The following ECE1 variants were observed in gnomAD, a reference collection of about 807,000 sequenced individuals.
ECE1 encodes endothelin converting enzyme 1.
Under a neutral mutation model 98.6 loss-of-function variants are expected in ECE1, and 35 were observed. The ratio of observed to expected loss-of-function variants is 0.35; its 90% CI spans 0.27 to 0.47. The LOEUF is 0.47. Ranked by LOEUF, ECE1 falls within the 20% of genes least tolerant of loss-of-function variation. ECE1 has a pLI of 1.00. For synonymous variants in ECE1, 394 were observed against 407.1 expected (o/e 0.97, Z 0.39); for missense variants, 814 against 1,025.3 (o/e 0.79, Z 2.81).
In ECE1 at chr1:21,218,443, C is replaced by T. The variant is rs543221517; in HGVS notation, c.*1512G>A. 1.5e-3 allele frequency: 234 copies of T among 152,798 alleles called. 1 individual carries two copies. Among genetic ancestry groups the T allele is most frequent in the Non-Finnish European group, 2.8e-3 (193 of 68,412 alleles). The allele number at this position is 152,798 out of a possible 1,614,324, so 9.5% of individuals were successfully genotyped here. A position where few individuals can be genotyped will look rare whatever the true frequency, so the allele number is the denominator to read the frequency against. ...GGCCAAGGGCATCTAGGAGCAGGGGCTGTCTCCTTGGGGTGGAGACTGGCG... is the reference window on the plus strand; with the variant it reads ...GGCCAAGGGCATCTAGGAGCAGGGGTTGTCTCCTTGGGGTGGAGACTGGCG... On this transcript the variant is annotated 3_prime_UTR_variant, in exon 19 of 19. Coordinates refer to ENST00000374893, the MANE Select transcript of ECE1 (RefSeq NM_001397.3). The surrounding 1 kb of genome is among the most constrained non-coding windows in gnomAD (Gnocchi z 4.0).
chr1:21,267,446 G>A (rs551608045), intron 4 of ECE1, among the ~76,000 whole-genome samples: 134 of 152,264 alleles, frequency 8.8e-4, no homozygotes, highest in Non-Finnish European at 1.8e-3. Context: ...GGCTGTGCAG[G>A]AGAACTCCCA....
chr1:21,314,174 G>T (rs1435887414), intron 1 of ECE1, among the ~76,000 whole-genome samples: 2 of 152,196 alleles, frequency 1.3e-5, no homozygotes, highest in African/African-American at 4.8e-5. Context: ...CAAGTCCAAG[G>T]TTGCACAGCT....
At chr1:21,286,036 T>C (rs950939164) in intron 2 of ECE1, among the ~76,000 whole-genome samples, 2 of 148,442 alleles carry the variant, frequency 1.3e-5, no homozygotes, top group Admixed American at 6.7e-5. Flanking sequence ...CTGTGCAAGG[T>C]GGGAAAAAAA....
chr1:21,237,051 G>A (rs922892778), intron 11 of ECE1, among the ~76,000 whole-genome samples: 4 of 151,982 alleles, frequency 2.6e-5, no homozygotes, highest in African/African-American at 9.7e-5. Context: ...CCACACACAG[G>A]GCTCCATGCT....
Position 21,227,953 on chromosome 1 carries a change from A to G in ECE1, c.1759T>C (p.Phe587Leu). 6.4e-7 allele frequency: 1 copy of G among 1,555,096 alleles called. No individual in the cohort carries two copies. The highest frequency in any genetic ancestry group is 8.7e-7 in the Non-Finnish European group (1 of 1,148,550). The change falls in exon 15 of 19, where the codon TTC becomes CTC. Residue 587 changes from phenylalanine (F) to leucine (L), a missense_variant. Phe to Leu is a conservative substitution (Grantham distance 22). Transcript: ENST00000374893. ...TACTTGGGTGAGGAGCGTGTGTAGA[A>G]TGGTGCCTGCAGGATCCCGGCCGGA... ...VFPAGILQAP[F>L]YTRSSPKALN...
intron 1 of ECE1, among the ~76,000 whole-genome samples, chr1:21,315,699 T>C (rs1426744298): frequency 6.7e-6 from 1 of 148,324 alleles, no homozygotes; most frequent in Non-Finnish European, 1.5e-5. Flanking sequence ...GAGGCTGAGG[T>C]GTGAGAATCA....
chr1:21,276,100 G>A (rs955859185), intron 3 of ECE1, among the ~76,000 whole-genome samples: 4 of 133,384 alleles, frequency 3.0e-5, no homozygotes, highest in East Asian at 2.2e-4. Flanking sequence ...ATCTCGACTC[G>A]CTGCAACCTC....
At chr1:21,243,687 C>A (rs2098199528) in intron 10 of ECE1, among the ~76,000 whole-genome samples, 1 of 152,226 alleles carries the variant, frequency 6.6e-6, no homozygotes, top group African/African-American at 2.4e-5. Flanking sequence ...TGTAGGAAGT[C>A]CCCTGGGAGG....
chr1:21,260,131 T>C lies in ECE1; in HGVS notation c.615+140A>G, dbSNP rs899469846. On this transcript the variant is annotated intron_variant, in intron 5 of 18. Coordinates refer to ENST00000374893, the MANE Select transcript of ECE1 (RefSeq NM_001397.3). The surrounding 1 kb of genome is among the most constrained non-coding windows in gnomAD (Gnocchi z 4.3). ...CACATGTGCTCTCGCACACTCGCTCTCTCTCTTTCTGTCTTTCTCTTGGTG... is the reference window on the plus strand; with the variant it reads ...CACATGTGCTCTCGCACACTCGCTCCCTCTCTTTCTGTCTTTCTCTTGGTG... 2.3e-6 allele frequency: 3 copies of C among 1,325,474 alleles called. No individual in the cohort carries two copies. Among genetic ancestry groups the C allele is most frequent in the Non-Finnish European group, 3.2e-6 (3 of 929,070 alleles). 82.1% of individuals were successfully genotyped at this position (1,325,474 alleles called of 1,614,324 possible).
At chr1:21,253,977 G>A (rs1232912795) in intron 8 of ECE1, among the ~76,000 whole-genome samples, 2 of 150,052 alleles carry the variant, frequency 1.3e-5, no homozygotes, top group Non-Finnish European at 2.9e-5. Context: ...GCTGAGGCAG[G>A]AGAATCGCTT....
intron 8 of ECE1, among the ~76,000 whole-genome samples, chr1:21,248,132 C>T (rs2098206477): frequency 6.6e-6 from 1 of 152,068 alleles, no homozygotes; most frequent in Non-Finnish European, 1.5e-5. Flanking sequence ...AAGGAAAAGC[C>T]CTCAGCTCAG....
intron 1 of ECE1, among the ~76,000 whole-genome samples, chr1:21,330,392 C>T (rs1280949236): frequency 6.6e-6 from 1 of 151,714 alleles, no homozygotes; most frequent in Admixed American, 6.6e-5. Flanking sequence ...CCATGCCCAG[C>T]TAATTGTTTC....
rs149955478 is a variant in ECE1 at position 21,227,996 on chromosome 1, G to T, written c.1716C>A (p.Thr572=). Residue 572 remains threonine, a synonymous_variant, in exon 15 of 19, where the codon ACC becomes ACA. Transcript: ENST00000374893. ...PPMVNAYYSP[T]KNEIVFPAGI... is the part of the protein sequence containing the mutation. ...CGGCCGGAAACACAATCTCATTCTT[G>T]GTGGGCGAGTAGTAGGCGTTCACCA... The T allele has an allele frequency of 4.5e-6, 7 of 1,565,422 alleles. No homozygotes were observed. The highest frequency in any genetic ancestry group is 6.1e-6 in the Non-Finnish European group (7 of 1,153,890).
rs186050557 is a variant in ECE1, at chr1:21,322,468, C to T, written c.3+22908G>A. On this transcript the variant is annotated intron_variant, in intron 1 of 18. Transcript: ENST00000415912. The surrounding 1 kb of genome is among the most constrained non-coding windows in gnomAD (Gnocchi z 4.1). Reference sequence around the variant, plus strand: ...GGTTCTTTGGGGGCAGGAGAGCAACCAGCCCTTCTCACCTGGCCAGTGCAA... The same window carrying T: ...GGTTCTTTGGGGGCAGGAGAGCAACTAGCCCTTCTCACCTGGCCAGTGCAA... 1.9e-3 allele frequency among the ~76,000 whole-genome samples: 291 copies of T among 152,336 alleles called. 1 individual carries two copies. The highest frequency in any genetic ancestry group is 3.7e-3 in the Non-Finnish European group (250 of 68,022).
Position 21,290,458 on chromosome 1 carries a change from T to TGGGATGGGCCGGGCC in ECE1, c.-45_-44insGGCCCGGCCCATCCC. 8.1e-7 allele frequency: 1 copy of TGGGATGGGCCGGGCC among 1,227,012 alleles called. No homozygotes were observed. The highest frequency in any genetic ancestry group is 1.0e-6 in the Non-Finnish European group (1 of 985,072). The allele number at this position is 1,227,012 out of a possible 1,614,324, so 76.0% of individuals were successfully genotyped here. A position where few individuals can be genotyped will look rare whatever the true frequency, so the allele number is the denominator to read the frequency against. On this transcript the variant is annotated 5_prime_UTR_variant, in exon 1 of 19. Transcript: ENST00000374893. The surrounding 1 kb of genome is among the most constrained non-coding windows in gnomAD (Gnocchi z 7.3). ...GGTCCCGCTGCCCGGGTGGCCGGGA[T>TGGGATGGGCCGGGCC]GGGATGGGCCGGGCCAGGCGTTGCA...
At chr1:21,255,476 A>G (rs1320092129) in intron 8 of ECE1, among the ~76,000 whole-genome samples, 1 of 152,236 alleles carries the variant, frequency 6.6e-6, no homozygotes, top group Admixed American at 6.5e-5. Flanking sequence ...GCCCTGTTGT[A>G]CAGTGAGCCC....
chr1:21,304,202 G>A (rs1168743030), intron 1 of ECE1, among the ~76,000 whole-genome samples: 1 of 149,984 alleles, frequency 6.7e-6, no homozygotes, highest in Non-Finnish European at 1.5e-5. Context: ...TGTAGTCCCA[G>A]CTATTTGGGA....
At chr1:21,241,802 C>T (rs1214674589) in intron 10 of ECE1, among the ~76,000 whole-genome samples, 1 of 152,090 alleles carries the variant, frequency 6.6e-6, no homozygotes, top group Non-Finnish European at 1.5e-5. Flanking sequence ...CTACAGGTCA[C>T]GAAGTCCTGG....
At chr1:21,242,056 G>T (rs2098197151) in intron 10 of ECE1, among the ~76,000 whole-genome samples, 1 of 152,116 alleles carries the variant, frequency 6.6e-6, no homozygotes, top group Non-Finnish European at 1.5e-5. Flanking sequence ...GTCACAAATG[G>T]GTGATAGCTG....
Sources: allele counts gnomAD v4.1 joint callset (sites outside exome capture counted in the v4.1 genomes callset), GRCh38; gene constraint gnomAD v4.1.1; non-coding constraint Gnocchi (gnomAD v3.1); transcripts MANE v1.5; gene names NCBI Gene and HGNC (gene_info 2026-07-23, HGNC 2026-07-21).